Variants in UBE2E2 observed in about 807,000 individuals in gnomAD.
UBE2E2 encodes ubiquitin conjugating enzyme E2 E2.
A neutral mutation model predicts 24.7 loss-of-function variants in UBE2E2; 6 were observed. The observed-to-expected ratio is 0.24, with a 90% CI of 0.13 to 0.48. UBE2E2 has a LOEUF of 0.48. Ranked by LOEUF, UBE2E2 falls within the 20% of genes least tolerant of loss-of-function variation. The pLI is 0.99. For synonymous variants in UBE2E2, 104 were observed against 83.6 expected (o/e 1.24, Z -1.33); for missense variants, 169 against 245.0 (o/e 0.69, Z 2.07).
intron 3 of UBE2E2, among the ~76,000 whole-genome samples, chr3:23,299,868 A>C (rs1258194425): frequency 1.3e-5 from 2 of 152,078 alleles, no homozygotes; most frequent in Non-Finnish European, 2.9e-5. Flanking sequence ...TGATCTGTCT[A>C]ATGTTGACAG....
intron 5 of UBE2E2, among the ~76,000 whole-genome samples, chr3:23,532,960 C>T (rs958443178): frequency 7.9e-5 from 12 of 152,064 alleles, no homozygotes; most frequent in East Asian, 3.9e-4. Context: ...TGGGAAAGTA[C>T]GTTTAAAGAA....
At chr3:23,560,572 G>T (rs1030982377) in intron 5 of UBE2E2, among the ~76,000 whole-genome samples, 35 of 151,996 alleles carry the variant, frequency 2.3e-4, no homozygotes, top group Non-Finnish European at 3.4e-4. Flanking sequence ...AATCCTTTGG[G>T]TATACGCCCA....
At chr3:23,205,988 AC>A (rs1440707542) in intron 1 of UBE2E2, among the ~76,000 whole-genome samples, 2 of 152,144 alleles carry the variant, frequency 1.3e-5, no homozygotes, top group Non-Finnish European at 2.9e-5. Flanking sequence ...CACAACTGAA[AC>A]TCTCAGCATA....
At chr3:23,366,575 A>T (rs1012472317) in intron 3 of UBE2E2, among the ~76,000 whole-genome samples, 1 of 152,186 alleles carries the variant, frequency 6.6e-6, no homozygotes, top group Admixed American at 6.5e-5. Context: ...TTGAGTACAC[A>T]TGCACACAAA....
At chr3:23,317,409 G>A (rs538893241) in intron 3 of UBE2E2, among the ~76,000 whole-genome samples, 11 of 152,252 alleles carry the variant, frequency 7.2e-5, no homozygotes, top group South Asian at 4.2e-4. Context: ...TGTGCTCTCC[G>A]TCCCCCAAGT....
chr3:23,408,549 T>A (rs1034317761), intron 3 of UBE2E2, among the ~76,000 whole-genome samples: 2 of 152,198 alleles, frequency 1.3e-5, no homozygotes, highest in African/African-American at 4.8e-5. Flanking sequence ...AGTATATGAC[T>A]CTGATGACTG....
At chr3:23,493,763 A>G (rs1242623614) in intron 3 of UBE2E2, among the ~76,000 whole-genome samples, 1 of 152,134 alleles carries the variant, frequency 6.6e-6, no homozygotes, top group African/African-American at 2.4e-5. Flanking sequence ...TTACAGAATC[A>G]TTATTTTTTT....
At chr3:23,266,333 G>A (rs1201636731) in intron 3 of UBE2E2, among the ~76,000 whole-genome samples, 1 of 152,128 alleles carries the variant, frequency 6.6e-6, no homozygotes, top group Non-Finnish European at 1.5e-5. Context: ...CTCTTTTAGG[G>A]CAGGCCTGGT....
chr3:23,532,290 T>G (rs1465487727), intron 4 of UBE2E2, among the ~76,000 whole-genome samples: 4 of 152,182 alleles, frequency 2.6e-5, no homozygotes, highest in Non-Finnish European at 5.9e-5. Flanking sequence ...AAACATTTGT[T>G]AAATAACAGG....
chr3:23,409,800 G>C (rs1244909740), intron 3 of UBE2E2, among the ~76,000 whole-genome samples: 1 of 152,138 alleles, frequency 6.6e-6, no homozygotes, highest in East Asian at 1.9e-4. Context: ...GCCTCTTCCT[G>C]TCTTCTGGTG....
intron 3 of UBE2E2, among the ~76,000 whole-genome samples, chr3:23,219,263 C>A (rs2125323592): frequency 6.6e-6 from 1 of 152,226 alleles, no homozygotes; most frequent in Middle Eastern, 3.4e-3. Context: ...AGCAAAGGGT[C>A]CTCTGTGCTG....
intron 3 of UBE2E2, among the ~76,000 whole-genome samples, chr3:23,319,369 T>C (rs1338635176): frequency 2.6e-5 from 4 of 152,296 alleles, no homozygotes; most frequent in Non-Finnish European, 5.9e-5. Flanking sequence ...TCCTTTAATG[T>C]TTTAGCTTCT....
intron 2 of UBE2E2, among the ~76,000 whole-genome samples, chr3:23,214,485 A>C (rs976795914): frequency 6.6e-6 from 1 of 151,874 alleles, no homozygotes; most frequent in Non-Finnish European, 1.5e-5. Flanking sequence ...TTCTGGCCTC[A>C]AGTGATCCTC....
At chr3:23,383,147 A>G (rs570010830) in intron 3 of UBE2E2, among the ~76,000 whole-genome samples, 1 of 152,264 alleles carries the variant, frequency 6.6e-6, no homozygotes, top group South Asian at 2.1e-4. Context: ...GTGATAATTG[A>G]TTGGATGTTG....
chr3:23,343,065 C>A (rs1168625030), intron 3 of UBE2E2, among the ~76,000 whole-genome samples: 1 of 151,198 alleles, frequency 6.6e-6, no homozygotes, highest in African/African-American at 2.4e-5. Context: ...GGGTCTTTAA[C>A]TGCTATTTTA....
At chr3:23,326,113 C>A (rs1694884048) in intron 3 of UBE2E2, among the ~76,000 whole-genome samples, 1 of 151,984 alleles carries the variant, frequency 6.6e-6, no homozygotes, top group African/African-American at 2.4e-5. Context: ...GCTTTCTCGC[C>A]CAGGCTGGAG....
intron 3 of UBE2E2, among the ~76,000 whole-genome samples, chr3:23,250,199 C>T (rs893783227): frequency 6.6e-6 from 1 of 152,146 alleles, no homozygotes; most frequent in East Asian, 1.9e-4. Flanking sequence ...AAAGTCACAG[C>T]CATTAAGTAG....
rs556412105 is a variant in UBE2E2, at chr3:23,322,970, G to A, written c.227+105658G>A. Among the ~76,000 whole-genome samples, 8 of 151,530 alleles carry A rather than the reference G, an allele frequency of 5.3e-5. No homozygotes were observed. In the South Asian group the frequency reaches 6.2e-4, roughly 12 times the overall value. On this transcript the variant is annotated intron_variant, in intron 3 of 5. Coordinates refer to ENST00000396703, the MANE Select transcript of UBE2E2 (RefSeq NM_152653.4). ...TTTCTTGTCTCCTTTCACAACATAC[G>A]TGGTTCAGTAAAACATAAAATCACT... is the stretch of plus-strand genomic sequence containing the variant.
At chr3:23,540,848 A>T (rs1350602421) in intron 5 of UBE2E2, among the ~76,000 whole-genome samples, 2 of 152,164 alleles carry the variant, frequency 1.3e-5, no homozygotes, top group African/African-American at 4.8e-5. Context: ...CTCCTGCCTC[A>T]ACCTCCCAAG....
Sources: gnomAD v4.1 joint callset for allele counts (sites outside exome capture counted in the v4.1 genomes callset) on GRCh38, gnomAD v4.1.1 for gene constraint, MANE v1.5 for transcripts, NCBI Gene and HGNC (gene_info 2026-07-23, HGNC 2026-07-21) for gene names.